The following LANCL2 variants were observed in gnomAD, a reference collection of about 807,000 sequenced individuals.
LANCL2 encodes the protein LanC like glutathione S-transferase 2.
In LANCL2, 33 loss-of-function variants were observed where a neutral mutation model predicts 56.9. That is an observed-to-expected ratio of 0.58 (90% CI 0.44 to 0.78). The LOEUF (loss-of-function observed/expected upper bound fraction) is 0.78. Ranked by LOEUF, LANCL2 falls within the 30% of genes least tolerant of loss-of-function variation. The pLI is 0.00. For missense variants in LANCL2, 562 were observed against 580.2 expected (o/e 0.97, Z 0.32); for synonymous variants, 233 against 228.2 (o/e 1.02, Z -0.19).
chr7:55,399,384 C>T (rs1342298457), intron 3 of LANCL2, among the ~76,000 whole-genome samples: 1 of 147,264 alleles, frequency 6.8e-6, no homozygotes, highest in Non-Finnish European at 1.5e-5. Flanking sequence ...GCTCTTGTTG[C>T]CCAGGCTGGA....
intron 1 of LANCL2, among the ~76,000 whole-genome samples, chr7:55,369,588 T>C (rs1418701329): frequency 6.6e-6 from 1 of 152,226 alleles, no homozygotes; most frequent in Non-Finnish European, 1.5e-5. Flanking sequence ...CACTCTTAGT[T>C]ACTCATCTAA....
intron 6 of LANCL2, among the ~76,000 whole-genome samples, chr7:55,416,592 G>T (rs1025108702): frequency 6.6e-6 from 1 of 151,848 alleles, no homozygotes; most frequent in Non-Finnish European, 1.5e-5. Flanking sequence ...GTCTCTTCGT[G>T]TGTTTTACCT....
At chr7:55,411,063 A>C (rs1280580442) in intron 5 of LANCL2, among the ~76,000 whole-genome samples, 1 of 152,144 alleles carries the variant, frequency 6.6e-6, no homozygotes, top group Non-Finnish European at 1.5e-5. Flanking sequence ...GTCACCCCAA[A>C]GACATTGTGT....
intron 5 of LANCL2, among the ~76,000 whole-genome samples, chr7:55,411,602 G>A (rs889286690): frequency 2.6e-5 from 4 of 152,178 alleles, no homozygotes; most frequent in African/African-American, 9.6e-5. Flanking sequence ...TTTTAACAAA[G>A]CAAAGCAACA....
intron 1 of LANCL2, among the ~76,000 whole-genome samples, chr7:55,366,453 C>T (rs7809890): frequency 0.36 from 55,508 of 152,218 alleles, 10,645 homozygotes; most frequent in East Asian, 0.55. Flanking sequence ...CTGGCCCCAA[C>T]GCGCCTTTGA....
chr7:55,395,769 G>C (rs1790244461), intron 2 of LANCL2, among the ~76,000 whole-genome samples: 1 of 152,138 alleles, frequency 6.6e-6, no homozygotes, highest in Non-Finnish European at 1.5e-5. Flanking sequence ...AGGTCACAGG[G>C]GCAAACTGCT....
At chr7:55,430,458 T>TG (rs1177449579) in intron 8 of LANCL2, among the ~76,000 whole-genome samples, 1 of 152,130 alleles carries the variant, frequency 6.6e-6, no homozygotes, top group African/African-American at 2.4e-5. Flanking sequence ...TGGTTACCTC[T>TG]GGGGGGACCA....
At position 55,398,405 on chromosome 7, in the gene LANCL2, G is replaced by A; in HGVS notation, c.323-18G>A. Reference sequence around the variant, plus strand: ...AAAGATAATAATGCTTTTCTTTTGGGGTGGGAAATTATTCCAGGCATAGCC... The same window carrying A: ...AAAGATAATAATGCTTTTCTTTTGGAGTGGGAAATTATTCCAGGCATAGCC... On this transcript the variant is annotated intron_variant, in intron 2 of 8. Coordinates refer to ENST00000254770, the MANE Select transcript of LANCL2 (RefSeq NM_018697.4). The A allele has an allele frequency of 1.9e-6, 3 of 1,581,894 alleles. No individual in the cohort carries two copies. The highest frequency in any genetic ancestry group is 2.6e-6 in the Non-Finnish European group (3 of 1,150,832).
Position 55,410,757 on chromosome 7 carries a change from A to G in LANCL2, c.826-1150A>G, listed in dbSNP as rs141635593. ...TTCTGTGGTGCTAATATGTCACCCTAAGACGTTTGTGTGGTGCTAACCTGT... is the reference window on the plus strand; with the variant it reads ...TTCTGTGGTGCTAATATGTCACCCTGAGACGTTTGTGTGGTGCTAACCTGT... On this transcript the variant is annotated intron_variant, in intron 5 of 8. Coordinates refer to ENST00000254770, the MANE Select transcript of LANCL2 (RefSeq NM_018697.4). Among the ~76,000 whole-genome samples the G allele has an allele frequency of 3.9e-5, 6 of 151,908 alleles. No homozygotes were observed. In the East Asian group the frequency reaches 1.2e-3, roughly 29 times the overall value.
intron 6 of LANCL2, among the ~76,000 whole-genome samples, chr7:55,418,180 A>C (rs966592353): frequency 5.1e-5 from 5 of 97,504 alleles, no homozygotes; most frequent in Non-Finnish European, 1.0e-4. Flanking sequence ...TAGAAATACA[A>C]TTGCGTTTTT....
intron 6 of LANCL2, among the ~76,000 whole-genome samples, chr7:55,418,827 A>T (rs1343463764): frequency 1.3e-5 from 2 of 152,106 alleles, no homozygotes; most frequent in African/African-American, 4.8e-5. Context: ...GTTATCATGA[A>T]GGGATGTTGA....
rs765862762 is a variant in LANCL2, at chr7:55,398,675, A to C, written c.530+45A>C. The C allele has an allele frequency of 4.1e-5, 59 of 1,423,932 alleles. 2 individuals carry two copies. The South Asian group carries it at 6.8e-4, about 16-fold the overall frequency. 88.2% of individuals were successfully genotyped at this position (1,423,932 alleles called of 1,614,324 possible). A position where few individuals can be genotyped will look rare whatever the true frequency, so the allele number is the denominator to read the frequency against. On this transcript the variant is annotated intron_variant, in intron 3 of 8. Coordinates refer to ENST00000254770, the MANE Select transcript of LANCL2 (RefSeq NM_018697.4). ...ACATTTTCTCCCAATTCCCAGTGGA[A>C]GCTCTTGCTGTAGAAAGATATTCAG...
intron 6 of LANCL2, among the ~76,000 whole-genome samples, chr7:55,415,494 G>T (rs982851869): frequency 6.6e-6 from 1 of 151,972 alleles, no homozygotes; most frequent in African/African-American, 2.4e-5. Flanking sequence ...TTTTCTAGGG[G>T]TATCAGAATT....
At chr7:55,408,140 G>C (rs1790431424) in intron 5 of LANCL2, among the ~76,000 whole-genome samples, 2 of 152,136 alleles carry the variant, frequency 1.3e-5, no homozygotes, top group Admixed American at 1.3e-4. Context: ...AAACATTTGA[G>C]GGAAAAAGAG....
At chr7:55,378,536 G>A (rs1344863907) in intron 1 of LANCL2, among the ~76,000 whole-genome samples, 4 of 33,350 alleles carry the variant, frequency 1.2e-4, no homozygotes, top group Non-Finnish European at 2.9e-4. Flanking sequence ...ATGTATACGT[G>A]TGTGTGTGTG....
intron 1 of LANCL2, among the ~76,000 whole-genome samples, chr7:55,385,920 G>T (rs1041699000): frequency 1.2e-4 from 18 of 152,098 alleles, no homozygotes; most frequent in Non-Finnish European, 2.5e-4. Context: ...CCCTAGGTGC[G>T]CATTCTCTTT....
At chr7:55,366,257 G>T (rs762970382) in intron 1 of LANCL2, 28 bp downstream of exon 1, 2 of 1,447,308 alleles carry the variant, frequency 1.4e-6, no homozygotes, top group African/African-American at 2.9e-5. Context: ...CCGCAGAGGC[G>T]CCGGAGGGGG....
intron 1 of LANCL2, among the ~76,000 whole-genome samples, chr7:55,380,492 T>C (rs1411881854): frequency 2.0e-5 from 3 of 152,032 alleles, no homozygotes; most frequent in Non-Finnish European, 4.4e-5. Context: ...GGTGGAGGAC[T>C]CCCTGTATAA....
At chr7:55,393,010 A>G (rs1015815051) in intron 2 of LANCL2, among the ~76,000 whole-genome samples, 1 of 152,194 alleles carries the variant, frequency 6.6e-6, no homozygotes, top group African/African-American at 2.4e-5. Flanking sequence ...AACAACCAAT[A>G]ATACACTTCA....
Sources: gnomAD v4.1 joint callset for allele counts (sites outside exome capture counted in the v4.1 genomes callset) on GRCh38, gnomAD v4.1.1 for gene constraint, MANE v1.5 for transcripts, NCBI Gene and HGNC (gene_info 2026-07-23, HGNC 2026-07-21) for gene names.